DIP2B: variants seen among roughly 807,000 people sequenced by gnomAD.
DIP2B encodes the protein disco-interacting protein 2 homolog B.
Under a neutral mutation model 198.0 loss-of-function variants are expected in DIP2B, and 76 were observed. That is an observed-to-expected ratio of 0.38 (90% CI 0.32 to 0.46). The LOEUF is 0.46. Ranked by LOEUF, DIP2B falls within the 20% of genes least tolerant of loss-of-function variation. The pLI, the probability that DIP2B is intolerant of heterozygous loss-of-function variation, is 0.99. For missense variants in DIP2B, 1,559 were observed against 1,978.4 expected (o/e 0.79, Z 4.02); for synonymous variants, 701 against 739.1 (o/e 0.95, Z 0.84).
intron 2 of DIP2B, among the ~76,000 whole-genome samples, chr12:50,635,390 A>C (rs1188593916): frequency 1.3e-5 from 2 of 152,170 alleles, no homozygotes; most frequent in African/African-American, 4.8e-5. Flanking sequence ...GATAAATAAT[A>C]AGTTTATGAA....
chr12:50,686,225 A>C (rs1592127432), intron 11 of DIP2B, among the ~76,000 whole-genome samples: 2 of 152,018 alleles, frequency 1.3e-5, no homozygotes, highest in Admixed American at 1.3e-4. Flanking sequence ...CACACCCTTA[A>C]CCTTTATGCC....
chr12:50,572,187 G>C (rs945652212), intron 1 of DIP2B, among the ~76,000 whole-genome samples: 4 of 152,120 alleles, frequency 2.6e-5, no homozygotes, highest in Non-Finnish European at 4.4e-5. Flanking sequence ...CCTCATGTGT[G>C]TTCCATTTCT....
At chr12:50,525,502 C>T (rs182626596) in intron 1 of DIP2B, among the ~76,000 whole-genome samples, 1 of 150,726 alleles carries the variant, frequency 6.6e-6, no homozygotes, top group Admixed American at 6.6e-5. Context: ...ATGTTGCTGC[C>T]TCTAGGTCCC....
At chr12:50,605,274 G>A (rs1191165429) in intron 1 of DIP2B, among the ~76,000 whole-genome samples, 2 of 152,088 alleles carry the variant, frequency 1.3e-5, no homozygotes, top group African/African-American at 2.4e-5. Context: ...ATTTTAGAAC[G>A]TTTTTAGAAC....
intron 1 of DIP2B, among the ~76,000 whole-genome samples, chr12:50,559,048 G>T (rs1321679008): frequency 6.6e-6 from 1 of 152,150 alleles, no homozygotes; most frequent in Non-Finnish European, 1.5e-5. Context: ...GGCAAGGAGA[G>T]CATACTGTCA....
intron 4 of DIP2B, among the ~76,000 whole-genome samples, chr12:50,660,942 A>G (rs1260716902): frequency 6.6e-6 from 1 of 152,142 alleles, no homozygotes; most frequent in Admixed American, 6.5e-5. Flanking sequence ...AGGTATCTTC[A>G]TCCCATCCCT....
At chr12:50,674,408 C>T in intron 5 of DIP2B, 66 bp from the exon 6 acceptor site, 2 of 1,575,916 alleles carry the variant, frequency 1.3e-6, no homozygotes, top group African/African-American at 1.4e-5. Context: ...AAAACAAAAC[C>T]CCAAAGATTT....
intron 22 of DIP2B, 118 bp from the exon 23 acceptor site, chr12:50,714,277 C>G (rs1939672221): frequency 9.6e-7 from 1 of 1,046,144 alleles, no homozygotes; most frequent in Non-Finnish European, 1.4e-6. Context: ...CTGCCAGATT[C>G]TAGATCTAGA....
chr12:50,687,324 G>C (rs1939148303), intron 12 of DIP2B, among the ~76,000 whole-genome samples: 1 of 152,130 alleles, frequency 6.6e-6, no homozygotes, highest in Admixed American at 6.5e-5. Context: ...CTGAGCAAAG[G>C]CCACATGACT....
intron 1 of DIP2B, among the ~76,000 whole-genome samples, chr12:50,575,924 A>G (rs1958655884): frequency 6.6e-6 from 1 of 151,746 alleles, no homozygotes; most frequent in Non-Finnish European, 1.5e-5. Flanking sequence ...CACCCAGCTA[A>G]TTTCTATATT....
In DIP2B at chr12:50,633,951, G is replaced by C. The variant is rs138322924; in HGVS notation, c.173-6773G>C. 4.6e-3 allele frequency among the ~76,000 whole-genome samples: 698 copies of C among 152,200 alleles called. 8 individuals carry two copies. The highest frequency in any genetic ancestry group is 0.016 in the African/African-American group (659 of 41,520). On this transcript the variant is annotated intron_variant, in intron 2 of 37. Transcript: ENST00000301180. ...TTATCTGGTATTTAAGGGCCATGCT[G>C]TCTTTTAACAAATTAAAATTTATAA... is the stretch of plus-strand genomic sequence containing the variant.
chr12:50,725,855 C>T (rs1939923562), intron 28 of DIP2B, among the ~76,000 whole-genome samples: 1 of 140,188 alleles, frequency 7.1e-6, no homozygotes, highest in Non-Finnish European at 1.6e-5. Context: ...CCTCCCTACC[C>T]TTTTTTTTTT....
rs72095442 is a variant in DIP2B, at chr12:50,534,369, A to ATTTTTTTTTT, written c.100+29141_100+29150dup. Among the ~76,000 whole-genome samples, 5 of 107,870 alleles carry ATTTTTTTTTT rather than the reference A, an allele frequency of 4.6e-5. 1 individual carries two copies. Among genetic ancestry groups the ATTTTTTTTTT allele is most frequent in the Non-Finnish European group, 3.5e-5 (2 of 56,476 alleles). 70.8% of individuals were successfully genotyped at this position (107,870 alleles called of 152,430 possible). A position where few individuals can be genotyped will look rare whatever the true frequency, so the allele number is the denominator to read the frequency against. ...GACTCTTTTTACACATTCTCATTTC[A>ATTTTTTTTTT]TTTTTTTTTTTTTTTTTTTTTGAGA... On this transcript the variant is annotated intron_variant, in intron 1 of 37. Coordinates refer to ENST00000301180, the MANE Select transcript of DIP2B (RefSeq NM_173602.3).
intron 1 of DIP2B, among the ~76,000 whole-genome samples, chr12:50,548,275 T>C (rs1033121351): frequency 2.8e-4 from 42 of 152,070 alleles, no homozygotes; most frequent in African/African-American, 9.9e-4. Context: ...TCAAATAAAA[T>C]GATCTTAAGA....
At chr12:50,603,077 T>C (rs1162406801) in intron 1 of DIP2B, among the ~76,000 whole-genome samples, 1 of 150,692 alleles carries the variant, frequency 6.6e-6, no homozygotes, top group Non-Finnish European at 1.5e-5. Context: ...GGCAGGAGAA[T>C]GGCGTGAACC....
At chr12:50,565,882 A>T (rs1239864471) in intron 1 of DIP2B, among the ~76,000 whole-genome samples, 1 of 152,150 alleles carries the variant, frequency 6.6e-6, no homozygotes, top group African/African-American at 2.4e-5. Flanking sequence ...TAATCTAAGT[A>T]GTTCACAGTT....
intron 1 of DIP2B, among the ~76,000 whole-genome samples, chr12:50,615,002 T>A (rs74380290): frequency 0.014 from 2,073 of 152,322 alleles, 41 homozygotes; most frequent in African/African-American, 0.046. Context: ...TCACTGTTAA[T>A]TTTATCTAGA....
At chr12:50,692,492 G>A (rs11169523) in intron 13 of DIP2B, among the ~76,000 whole-genome samples, 48,836 of 151,882 alleles carry the variant, frequency 0.32, 8,023 homozygotes, top group South Asian at 0.36. Context: ...TCCTCTACCC[G>A]TTTTGAGGAG....
chr12:50,688,330 G>A (rs1939165977), intron 12 of DIP2B, among the ~76,000 whole-genome samples: 1 of 152,096 alleles, frequency 6.6e-6, no homozygotes, highest in Admixed American at 6.6e-5. Context: ...TGTTTTTAAA[G>A]GTGAAACAGA....
Sources: allele counts gnomAD v4.1 joint callset (sites outside exome capture counted in the v4.1 genomes callset), GRCh38; gene constraint gnomAD v4.1.1; transcripts MANE v1.5; gene names NCBI Gene and HGNC (gene_info 2026-07-23, HGNC 2026-07-21).